GGA2: variants seen among roughly 807,000 people sequenced by gnomAD.
GGA2 encodes the protein ADP-ribosylation factor-binding protein GGA2.
A neutral mutation model predicts 79.5 loss-of-function variants in GGA2; 48 were observed. The observed-to-expected ratio is 0.60, with a 90% confidence interval of 0.48 to 0.77. The LOEUF is 0.77. Ranked by LOEUF, GGA2 falls within the 30% of genes least tolerant of loss-of-function variation. The probability of loss-of-function intolerance (pLI) is 0.00; values close to 1 mark genes in which losing one functional copy is unlikely to be tolerated. For synonymous variants in GGA2, 317 were observed against 302.0 expected (o/e 1.05, Z -0.51); for missense variants, 770 against 774.0 (o/e 0.99, Z 0.06).
chr16:23,497,424 T>G (rs970364814), intron 1 of GGA2, among the ~76,000 whole-genome samples: 1 of 152,140 alleles, frequency 6.6e-6, no homozygotes, highest in East Asian at 1.9e-4. Context: ...CAGTCCGAGT[T>G]GAATTTTTCC....
Position 23,470,062 on chromosome 16 carries a change from G to C in GGA2, c.1554C>G (p.Leu518=), listed in dbSNP as rs1964490628. The change falls in exon 15 of 17, where the codon CTC becomes CTG. Residue 518 remains leucine, a synonymous_variant. Transcript: ENST00000309859. ...GGGGAGCCGTGCTCATCATGGTCAA[G>C]AGCAGCACCTGTACCTCTGGGTGCC... ...APGHPEVQVL[L]LTMMSTAPQP... 6.2e-7 allele frequency: 1 copy of C among 1,610,152 alleles called. No individual in the cohort carries two copies.
chr16:23,468,783 C>A (rs1964473193), intron 16 of GGA2, 103 bp downstream of exon 16: 1 of 697,444 alleles, frequency 1.4e-6, no homozygotes, highest in Non-Finnish European at 2.6e-6. Context: ...AAACCAGAGA[C>A]TTTAGAGCAA....
At chr16:23,470,827 T>C (rs1430422637) in intron 14 of GGA2, among the ~76,000 whole-genome samples, 48 of 8,008 alleles carry the variant, frequency 6.0e-3, no homozygotes, top group Non-Finnish European at 9.9e-3. Context: ...AATAAATGCT[T>C]TTTTTTTTTT....
In GGA2 at chr16:23,463,592, T is replaced by A. The variant is rs1964399904; in HGVS notation, c.*3998A>T. 6.6e-6 allele frequency: 1 copy of A among 152,150 alleles called. No homozygotes were observed. Among genetic ancestry groups the A allele is most frequent in the African/African-American group, 2.4e-5 (1 of 41,426 alleles). 9.4% of individuals were successfully genotyped at this position (152,150 alleles called of 1,614,324 possible). A position where few individuals can be genotyped will look rare whatever the true frequency, so the allele number is the denominator to read the frequency against. On this transcript the variant is annotated 3_prime_UTR_variant, in exon 17 of 17. Transcript: ENST00000309859. The stretch of plus-strand genomic sequence containing the variant: ...CTGATTTTAGAAAGCTCAGAAAAAA[T>A]TTAAAGAAAATTTATCTATAATTCC...
chr16:23,489,848 C>A (rs1275982452), intron 5 of GGA2, among the ~76,000 whole-genome samples: 1 of 152,060 alleles, frequency 6.6e-6, no homozygotes, highest in Non-Finnish European at 1.5e-5. Flanking sequence ...ACCGGTGGAA[C>A]CCACTGCAGC....
At chr16:23,510,634 C>T, upstream of GGA2, 1 of 378,114 alleles carries the variant, frequency 2.6e-6, no homozygotes, top group South Asian at 1.4e-4. Flanking sequence ...AGACCACTCA[C>T]CGTACGGTTG....
intron 2 of GGA2, chr16:23,519,441 A>G (rs1965122582): frequency 5.1e-6 from 1 of 194,214 alleles, no homozygotes; most frequent in African/African-American, 2.4e-5. Context: ...AGCCATGATC[A>G]TAGAATATGA....
intron 1 of GGA2, among the ~76,000 whole-genome samples, chr16:23,499,632 G>A (rs1224195566): frequency 6.6e-6 from 1 of 151,964 alleles, no homozygotes; most frequent in Admixed American, 6.6e-5. Context: ...AGGCCGAGGC[G>A]GGAAGATCCC....
chr16:23,517,850 C>T (rs961705335), intron 2 of GGA2, among the ~76,000 whole-genome samples: 1 of 152,136 alleles, frequency 6.6e-6, no homozygotes, highest in African/African-American at 2.4e-5. Context: ...CTGCCTGCCT[C>T]GGCCTCCCAA....
chr16:23,472,608 C>T (rs1348186608), intron 14 of GGA2, among the ~76,000 whole-genome samples: 1 of 150,822 alleles, frequency 6.6e-6, no homozygotes, highest in Non-Finnish European at 1.5e-5. Flanking sequence ...CTTGGGAGGC[C>T]AAGGTGGGAG....
intron 1 of GGA2, among the ~76,000 whole-genome samples, chr16:23,507,374 T>C (rs1964984618): frequency 6.6e-6 from 1 of 152,174 alleles, no homozygotes; most frequent in African/African-American, 2.4e-5. Context: ...ATGCCTATAA[T>C]CCCAGCACTT....
upstream of GGA2, among the ~76,000 whole-genome samples, chr16:23,511,163 CTTTT>C (rs769017795): frequency 6.6e-6 from 1 of 151,290 alleles, no homozygotes; most frequent in Non-Finnish European, 1.5e-5. Flanking sequence ...TTCTTTTTTT[CTTTT>C]TTTGAGACGG....
chr16:23,479,790 C>T lies in GGA2; in HGVS notation c.1104G>A (p.Leu368=). ...PAQMGTVVPS[L]LHQDLAALGI... is the part of the protein sequence containing the mutation. ...CCAAGGCTGCCAGGTCCTGATGAAG[C>T]AAAGATGGCACCACAGTCCCCATCT... Residue 368 remains leucine, a synonymous_variant, in exon 11 of 17, where the codon TTG becomes TTA. Coordinates refer to ENST00000309859, the MANE Select transcript of GGA2 (RefSeq NM_015044.4). 1 of 1,614,158 alleles carries T rather than the reference C, an allele frequency of 6.2e-7. No homozygotes were observed.
chr16:23,489,813 G>A (rs1426622484), intron 5 of GGA2, among the ~76,000 whole-genome samples: 4 of 152,174 alleles, frequency 2.6e-5, no homozygotes, highest in African/African-American at 9.7e-5. Context: ...GGGGAGAAGA[G>A]TAACAAACCC....
At chr16:23,511,051 T>TGTGTGTGTGTGTGTGTGTG (rs1965051492), upstream of GGA2, among the ~76,000 whole-genome samples, 2 of 76,172 alleles carry the variant, frequency 2.6e-5, no homozygotes, top group East Asian at 3.6e-4. Flanking sequence ...GTGTGTGTGT[T>TGTGTGTGTGTGTGTGTGTG]AGAGACTGGG....
At position 23,478,600 on chromosome 16, in the gene GGA2, G is replaced by A. The variant is rs534723549; in HGVS notation, c.1159-99C>T. ...CTCTCCTGAGCCCACCCAAGCTGCTGTGGCCCAGACTGGTGACATCTCTTG... is the reference window on the plus strand; with the variant it reads ...CTCTCCTGAGCCCACCCAAGCTGCTATGGCCCAGACTGGTGACATCTCTTG... On this transcript the variant is annotated intron_variant, in intron 12 of 16. Coordinates refer to ENST00000309859, the MANE Select transcript of GGA2 (RefSeq NM_015044.4). 2.1e-5 allele frequency: 25 copies of A among 1,190,734 alleles called. No individual in the cohort carries two copies. In the Admixed American group the frequency reaches 4.2e-4, roughly 20 times the overall value. The allele number at this position is 1,190,734 out of a possible 1,614,324, so 73.8% of individuals were successfully genotyped here.
At chr16:23,517,881 G>A (rs180696509) in intron 2 of GGA2, among the ~76,000 whole-genome samples, 1 of 152,210 alleles carries the variant, frequency 6.6e-6, no homozygotes, top group South Asian at 2.1e-4. Context: ...TTACAGGCAT[G>A]AGCCACCGCG....
At position 23,485,702 on chromosome 16, in the gene GGA2, A is replaced by G. The variant is rs1373580831; in HGVS notation, c.798+313T>C. Among the ~76,000 whole-genome samples the G allele has an allele frequency of 2.6e-5, 4 of 152,226 alleles. No individual in the cohort carries two copies. In the East Asian group the frequency reaches 7.7e-4, roughly 29 times the overall value. ...TAAGAAACAAGCTACTGCTACACAC[A>G]GCAACGTGAATGGATCTCGAGTGAG... On this transcript the variant is annotated intron_variant, in intron 8 of 16. Coordinates refer to ENST00000309859, the MANE Select transcript of GGA2 (RefSeq NM_015044.4).
At chr16:23,475,085 A>G (rs768722647) in intron 13 of GGA2, 24 bp from the exon 14 acceptor site, 2 of 1,500,704 alleles carry the variant, frequency 1.3e-6, no homozygotes, top group South Asian at 2.5e-5. Context: ...AAAAATATCA[A>G]AGACTAGCAA....
Sources: allele counts gnomAD v4.1 joint callset (sites outside exome capture counted in the v4.1 genomes callset), GRCh38; gene constraint gnomAD v4.1.1; transcripts MANE v1.5; gene names NCBI Gene and HGNC (gene_info 2026-07-23, HGNC 2026-07-21).